Variants in PCDHA13 observed in about 807,000 individuals in gnomAD.
PCDHA13 encodes protocadherin alpha-13.
A neutral mutation model predicts 64.8 loss-of-function variants in PCDHA13; 54 were observed. That is an observed-to-expected ratio of 0.83 (90% CI 0.67 to 1.04). PCDHA13 has a LOEUF of 1.04. Ranked by LOEUF, PCDHA13 falls within the 50% of genes least tolerant of loss-of-function variation. PCDHA13 has a pLI of 0.00. For synonymous variants in PCDHA13, 587 were observed against 564.4 expected, an observed-to-expected ratio of 1.04 and a Z score of -0.57; for missense variants, 1,248 against 1,254.3, an observed-to-expected ratio of 0.99 and a Z score of 0.08.
chr5:140,991,227 A>G (rs1172819040), intron 3 of PCDHA13, among the ~76,000 whole-genome samples: 2 of 152,224 alleles, frequency 1.3e-5, no homozygotes, highest in African/African-American at 4.8e-5. Flanking sequence ...TCATTAATAA[A>G]TGCAGTGGTA....
At chr5:140,906,719 T>C (rs1282384270) in intron 1 of PCDHA13, among the ~76,000 whole-genome samples, 1 of 152,218 alleles carries the variant, frequency 6.6e-6, no homozygotes, top group East Asian at 1.9e-4. Flanking sequence ...GCCTGGATTG[T>C]GCTGTTGTAG....
In PCDHA13 at chr5:141,010,024, T is replaced by A; in HGVS notation, c.*87T>A. 7.6e-6 allele frequency: 12 copies of A among 1,572,358 alleles called. No individual in the cohort carries two copies. Among genetic ancestry groups the A allele is most frequent in the Non-Finnish European group, 1.0e-5 (12 of 1,163,296 alleles). On this transcript the variant is annotated 3_prime_UTR_variant, in exon 4 of 4. Coordinates refer to ENST00000289272, the MANE Select transcript of PCDHA13 (RefSeq NM_018904.3). ...GTAGCAATTCCCTGCTCCTTTTTCC[T>A]ATCTACATGAGCCCTCTTAGAGACC...
At position 141,001,667 on chromosome 5, in the gene PCDHA13, A is replaced by G. The variant is rs949508860; in HGVS notation, c.2543-7960A>G. ...GTGTGGGAGAAGGCGGAGCTTGTCC[A>G]GTCGGTCCAACAAACCCCACAGATG... is the stretch of plus-strand genomic sequence containing the variant. On this transcript the variant is annotated intron_variant, in intron 3 of 3. Coordinates refer to ENST00000289272, the MANE Select transcript of PCDHA13 (RefSeq NM_018904.3). Among the ~76,000 whole-genome samples, 9 of 152,268 alleles carry G rather than the reference A, an allele frequency of 5.9e-5. 1 individual carries two copies. In the East Asian group the frequency reaches 1.7e-3, roughly 29 times the overall value.
intron 1 of PCDHA13, among the ~76,000 whole-genome samples, chr5:140,892,180 T>C (rs1176959692): frequency 6.6e-6 from 1 of 152,224 alleles, no homozygotes; most frequent in African/African-American, 2.4e-5. Context: ...GGGATCCTCA[T>C]GGGTCTATTC....
In PCDHA13 at chr5:140,928,891, T is replaced by A. The variant is rs1299939193; in HGVS notation, c.2394+44229T>A. On this transcript the variant is annotated intron_variant, in intron 1 of 3. Coordinates refer to ENST00000289272, the MANE Select transcript of PCDHA13 (RefSeq NM_018904.3). ...CTCTGTCCCTCAGTTACTTCCAGAC[T>A]TTGAAGATGTCTGGGAACCAGGAGG... 1.2e-6 allele frequency: 2 copies of A among 1,614,066 alleles called. No individual in the cohort carries two copies. The highest frequency in any genetic ancestry group is 2.7e-5 in the African/African-American group (2 of 74,942).
chr5:140,942,122 G>A (rs2093234713), intron 1 of PCDHA13, among the ~76,000 whole-genome samples: 1 of 152,064 alleles, frequency 6.6e-6, no homozygotes, highest in Non-Finnish European at 1.5e-5. Flanking sequence ...TTTATTAAAG[G>A]TGATATTTGT....
chr5:140,998,066 C>T (rs1234368433), intron 3 of PCDHA13, among the ~76,000 whole-genome samples: 2 of 152,160 alleles, frequency 1.3e-5, no homozygotes, highest in East Asian at 1.9e-4. Flanking sequence ...CATCAACAGA[C>T]TTAGCCTCTG....
At chr5:140,959,676 A>G (rs2095505288) in intron 1 of PCDHA13, among the ~76,000 whole-genome samples, 1 of 152,246 alleles carries the variant, frequency 6.6e-6, no homozygotes, top group Non-Finnish European at 1.5e-5. Flanking sequence ...AATCATTTCT[A>G]AATAATTTCA....
chr5:140,961,970 G>A (rs1282918892), intron 1 of PCDHA13, among the ~76,000 whole-genome samples: 1 of 150,888 alleles, frequency 6.6e-6, no homozygotes, highest in Non-Finnish European at 1.5e-5. Flanking sequence ...TGCAACCTCC[G>A]CCTCCTGGGT....
intron 1 of PCDHA13, among the ~76,000 whole-genome samples, chr5:140,887,104 T>G (rs1554182871): frequency 6.6e-6 from 1 of 151,604 alleles, no homozygotes; most frequent in Admixed American, 6.6e-5. Flanking sequence ...TTTATCTCTT[T>G]TTTTTTTTTT....
chr5:140,904,955 G>A (rs1272284537), intron 1 of PCDHA13, among the ~76,000 whole-genome samples: 1 of 152,120 alleles, frequency 6.6e-6, no homozygotes, highest in Non-Finnish European at 1.5e-5. Context: ...TTTGTCTGAT[G>A]CAGAATTTGT....
intron 3 of PCDHA13, among the ~76,000 whole-genome samples, chr5:141,001,903 A>G (rs2098043091): frequency 6.6e-6 from 1 of 152,190 alleles, no homozygotes; most frequent in African/African-American, 2.4e-5. Flanking sequence ...GGGCTGTTTG[A>G]AAAAGACTGC....
At chr5:140,929,207 G>C (rs782298445) in intron 1 of PCDHA13, 2 of 1,613,988 alleles carry the variant, frequency 1.2e-6, no homozygotes, top group Admixed American at 1.7e-5. Context: ...TTGCTGTTGC[G>C]TGGGGAGTAC....
chr5:140,966,279 G>A, intron 1 of PCDHA13: 1 of 364,628 alleles, frequency 2.7e-6, no homozygotes, highest in Non-Finnish European at 4.9e-6. Flanking sequence ...ACTGGACAGT[G>A]GGGGTAGGGA....
intron 2 of PCDHA13, among the ~76,000 whole-genome samples, chr5:140,980,721 A>G (rs1219290542): frequency 3.9e-5 from 6 of 152,202 alleles, no homozygotes; most frequent in African/African-American, 1.2e-4. Flanking sequence ...TTCGGGTTTC[A>G]ATTAAGATAT....
At chr5:140,997,504 C>T (rs2097772452) in intron 3 of PCDHA13, among the ~76,000 whole-genome samples, 1 of 152,042 alleles carries the variant, frequency 6.6e-6, no homozygotes, top group South Asian at 2.1e-4. Flanking sequence ...TCTCAACATA[C>T]CTAAACGCAG....
Position 140,884,416 on chromosome 5 carries a change from G to A in PCDHA13, c.2148G>A (p.Leu716=), listed in dbSNP as rs1035372416. Residue 716 remains leucine, a synonymous_variant, in exon 1 of 4, where the codon CTG becomes CTA. Transcript: ENST00000289272. ...AVSSLLVLTL[L]LYTALRCSAP... ...CCAGCCTGTTGGTGCTCACGTTGCT[G>A]CTGTATACTGCGCTGCGGTGCTCGG... is the stretch of plus-strand genomic sequence containing the variant. 22 of 1,613,888 alleles carry A rather than the reference G, an allele frequency of 1.4e-5. No homozygotes were observed. The highest frequency in any genetic ancestry group is 1.7e-5 in the Non-Finnish European group (20 of 1,179,896).
rs1562791192 is a variant in PCDHA13 at position 140,883,596 on chromosome 5, TG to T, written c.1333del (p.Val445TrpfsTer4). The T allele has an allele frequency of 7.4e-6, 12 of 1,613,794 alleles. No individual in the cohort carries two copies. The highest frequency in any genetic ancestry group is 1.0e-5 in the Non-Finnish European group (12 of 1,179,896). ...PSLWATASVS[V>X]GVADVNDNAP... ...CTGTGGGCCACGGCCAGCGTGTCGG[TG>T]GGGGTGGCCGACGTGAACGACAACG... On this transcript the variant is annotated frameshift_variant, in exon 1 of 4. Transcript: ENST00000289272. LOFTEE classifies it high-confidence loss of function.
At position 140,968,564 on chromosome 5, in the gene PCDHA13, G is replaced by A. The variant is rs565573880; in HGVS notation, c.2395-10385G>A. ...CGAGATGGTGCCTCGAACTGCCCCT[G>A]CTGGCTACCTGGTCACCAAAGTCAT... On this transcript the variant is annotated intron_variant, in intron 1 of 3. Coordinates refer to ENST00000289272, the MANE Select transcript of PCDHA13 (RefSeq NM_018904.3). 3.1e-6 allele frequency: 5 copies of A among 1,614,168 alleles called. No homozygotes were observed. The Admixed American group carries it at 8.3e-5, about 27-fold the overall frequency.
Sources: allele counts gnomAD v4.1 joint callset (sites outside exome capture counted in the v4.1 genomes callset), GRCh38; gene constraint gnomAD v4.1.1; transcripts MANE v1.5; gene names NCBI Gene and HGNC (gene_info 2026-07-23, HGNC 2026-07-21).